ELF1: variants seen among roughly 807,000 people sequenced by gnomAD.
ELF1 encodes the protein ETS-related transcription factor Elf-1.
In ELF1, 24 loss-of-function variants were observed where a neutral mutation model predicts 59.9. That is an observed-to-expected ratio of 0.40 (90% CI 0.29 to 0.56). ELF1 has a LOEUF of 0.56. ELF1 is among the 20% of genes least tolerant of loss of function. ELF1 has a pLI of 0.44. For missense variants in ELF1, 627 were observed against 742.2 expected, an observed-to-expected ratio of 0.84 and a Z score of 1.80; for synonymous variants, 248 against 266.2, an observed-to-expected ratio of 0.93 and a Z score of 0.67.
chr13:41,043,147 G>C (rs1162120629), intron 1 of ELF1, among the ~76,000 whole-genome samples: 1 of 151,976 alleles, frequency 6.6e-6, no homozygotes, highest in African/African-American at 2.4e-5. Context: ...TTTTTGATGG[G>C]GTTGTTTGTT....
intron 1 of ELF1, among the ~76,000 whole-genome samples, chr13:40,988,717 T>C (rs1230624653): frequency 2.0e-5 from 3 of 152,258 alleles, no homozygotes; most frequent in African/African-American, 7.2e-5. Flanking sequence ...AGGAAACATG[T>C]ATAAGCCTTT....
chr13:41,015,070 C>A (rs1032834091), intron 1 of ELF1, among the ~76,000 whole-genome samples: 1 of 151,966 alleles, frequency 6.6e-6, no homozygotes, highest in Non-Finnish European at 1.5e-5. Context: ...GAAGAGCTTT[C>A]AAAAGGCTGT....
intron 1 of ELF1, among the ~76,000 whole-genome samples, chr13:41,033,227 C>T (rs1325809155): frequency 6.6e-6 from 1 of 152,056 alleles, no homozygotes; most frequent in Non-Finnish European, 1.5e-5. Context: ...AGTGGGTGAC[C>T]CAGGCTGAGT....
intron 1 of ELF1, among the ~76,000 whole-genome samples, chr13:41,017,507 A>G (rs1379157893): frequency 6.6e-6 from 1 of 152,184 alleles, no homozygotes; most frequent in Non-Finnish European, 1.5e-5. Context: ...CTTACATTCA[A>G]TCTTATGGAA....
intron 2 of ELF1, among the ~76,000 whole-genome samples, chr13:40,964,457 G>A (rs754282044): frequency 2.1e-4 from 32 of 152,124 alleles, no homozygotes; most frequent in Admixed American, 5.2e-4. Flanking sequence ...ACTTATAGAT[G>A]GCTGGTCTTC....
chr13:41,033,136 C>T (rs1441490213), intron 1 of ELF1, among the ~76,000 whole-genome samples: 1 of 152,320 alleles, frequency 6.6e-6, no homozygotes, highest in Middle Eastern at 3.4e-3. Context: ...CTTAGTTACA[C>T]TTCTGGTCAA....
At chr13:40,974,845 G>A (rs1393296191) in intron 2 of ELF1, among the ~76,000 whole-genome samples, 1 of 152,134 alleles carries the variant, frequency 6.6e-6, no homozygotes, top group Non-Finnish European at 1.5e-5. Flanking sequence ...TAGACCACAG[G>A]CAGGGTTGTT....
chr13:40,954,604 C>G (rs1292699621), intron 3 of ELF1, among the ~76,000 whole-genome samples: 1 of 152,166 alleles, frequency 6.6e-6, no homozygotes, highest in African/African-American at 2.4e-5. Flanking sequence ...CGCGCCGCCA[C>G]GCCTGACTGG....
intron 2 of ELF1, among the ~76,000 whole-genome samples, chr13:40,960,102 T>C (rs775627125): frequency 4.6e-5 from 7 of 152,172 alleles, no homozygotes; most frequent in African/African-American, 9.7e-5. Context: ...GTTAGACATA[T>C]TGCTTCTTAA....
Position 40,933,921 on chromosome 13 carries a change from G to T in ELF1, c.1364C>A (p.Thr455Lys), listed in dbSNP as rs1001223538. Reference sequence around the variant, plus strand: ...AGATCCAGTACCTGCTGATGGATCTGTGCTGGCTATAACTGTTGTGAGTGG... The same window carrying T: ...AGATCCAGTACCTGCTGATGGATCTTTGCTGGCTATAACTGTTGTGAGTGG... Reference protein sequence around the residue: ...TVPLTTVIASTDPSAGTGSQK... With the variant: ...TVPLTTVIASKDPSAGTGSQK... The change falls in exon 9 of 9, where the codon ACA becomes AAA. Residue 455 changes from threonine to lysine, a missense_variant. By Grantham distance (78) the Thr-to-Lys change is moderately conservative. Around this residue, in one of 3 missense-constraint regions of ELF1, gnomAD observed 361 missense variants for 396.1 expected, o/e 0.91. Coordinates refer to ENST00000239882, the MANE Select transcript of ELF1 (RefSeq NM_172373.4). The T allele has an allele frequency of 1.2e-6, 2 of 1,614,138 alleles. No homozygotes were observed.
chr13:41,020,330 C>A (rs368359596), upstream of ELF1, among the ~76,000 whole-genome samples: 54 of 152,204 alleles, frequency 3.5e-4, no homozygotes, highest in African/African-American at 1.2e-3. Context: ...CTAAGTACTT[C>A]CAAAGCGCTT....
chr13:41,026,265 A>C (rs1331162001), intron 1 of ELF1, among the ~76,000 whole-genome samples: 1 of 152,164 alleles, frequency 6.6e-6, no homozygotes, highest in Non-Finnish European at 1.5e-5. Flanking sequence ...TCTAGGGTAA[A>C]GGATAAATTG....
intron 2 of ELF1, among the ~76,000 whole-genome samples, chr13:40,979,012 TA>T (rs1873093404): frequency 9.7e-6 from 1 of 103,434 alleles, no homozygotes; most frequent in Non-Finnish European, 2.2e-5. Flanking sequence ...CAGCACCCAA[TA>T]GTTAGTTTTT....
intron 2 of ELF1, among the ~76,000 whole-genome samples, chr13:40,962,218 A>G (rs1243528136): frequency 6.6e-6 from 1 of 152,218 alleles, no homozygotes. Context: ...ACAGTCAGGC[A>G]TACTCCAAAT....
intron 1 of ELF1, among the ~76,000 whole-genome samples, chr13:41,004,085 T>C (rs1230237490): frequency 6.6e-6 from 1 of 152,150 alleles, no homozygotes; most frequent in Non-Finnish European, 1.5e-5. Flanking sequence ...AAATCTACTA[T>C]ATGCCATTTA....
At chr13:40,945,122 GAAGCC>G (rs1870425600) in intron 5 of ELF1, among the ~76,000 whole-genome samples, 1 of 152,140 alleles carries the variant, frequency 6.6e-6, no homozygotes, top group Admixed American at 6.5e-5. Context: ...ACCAGTATTA[GAAGCC>G]AACACTTCAG....
chr13:41,031,364 G>C (rs1876155011), intron 1 of ELF1, among the ~76,000 whole-genome samples: 2 of 152,050 alleles, frequency 1.3e-5, no homozygotes, highest in African/African-American at 2.4e-5. Context: ...CACTACTATG[G>C]AATTTCAGTT....
intron 2 of ELF1, among the ~76,000 whole-genome samples, chr13:40,966,479 T>C (rs1231786321): frequency 1.3e-5 from 2 of 152,218 alleles, no homozygotes; most frequent in East Asian, 3.9e-4. Context: ...TAGTTTCCAC[T>C]TGTGGTTGAT....
chr13:40,955,637 C>T (rs547260851), intron 3 of ELF1, among the ~76,000 whole-genome samples: 2,726 of 94,098 alleles, frequency 0.029, 143 homozygotes, highest in East Asian at 0.16. Context: ...AGAGAGGAGC[C>T]CCTCTGCCCG....
Sources: allele counts gnomAD v4.1 joint callset (sites outside exome capture counted in the v4.1 genomes callset), GRCh38; gene constraint gnomAD v4.1.1; regional missense constraint gnomAD v4.1.1; transcripts MANE v1.5; gene names NCBI Gene and HGNC (gene_info 2026-07-23, HGNC 2026-07-21).